The following AUTS2 variants were observed in gnomAD, a reference collection of about 807,000 sequenced individuals.
AUTS2 encodes activator of transcription and developmental regulator AUTS2, also known as autism susceptibility gene 2 protein.
A neutral mutation model predicts 112.4 loss-of-function variants in AUTS2; 17 were observed. The observed-to-expected ratio is 0.15, with a 90% CI of 0.10 to 0.23. The LOEUF (loss-of-function observed/expected upper bound fraction) is 0.23. AUTS2 is among the 10% of genes least tolerant of loss of function. The pLI is 1.00. For missense variants in AUTS2, 1,510 were observed against 1,701.6 expected, an observed-to-expected ratio of 0.89 and a Z score of 1.98; for synonymous variants, 751 against 702.7, an observed-to-expected ratio of 1.07 and a Z score of -1.09.
intron 2 of AUTS2, among the ~76,000 whole-genome samples, chr7:70,082,216 C>T (rs1261472418): frequency 2.0e-5 from 3 of 152,152 alleles, no homozygotes; most frequent in Non-Finnish European, 4.4e-5. Flanking sequence ...GTGTTGACTA[C>T]GTGCCTAAAA....
At chr7:70,045,562 G>A (rs1486512153) in intron 2 of AUTS2, among the ~76,000 whole-genome samples, 2 of 151,004 alleles carry the variant, frequency 1.3e-5, no homozygotes, top group African/African-American at 4.9e-5. Context: ...AATTGCAAAT[G>A]TGACTCACAT....
chr7:70,308,944 A>G (rs191762785), intron 4 of AUTS2, among the ~76,000 whole-genome samples: 33 of 152,334 alleles, frequency 2.2e-4, no homozygotes, highest in African/African-American at 6.7e-4. Flanking sequence ...TGCACTGAGC[A>G]GTCCCGTTAA....
chr7:70,573,323 G>A (rs947208123), intron 5 of AUTS2, among the ~76,000 whole-genome samples: 4 of 152,264 alleles, frequency 2.6e-5, no homozygotes, highest in East Asian at 1.9e-4. Flanking sequence ...AGTTTACCTC[G>A]ACCTGTCTTT....
intron 1 of AUTS2, among the ~76,000 whole-genome samples, chr7:69,736,280 G>A (rs950119899): frequency 2.3e-4 from 35 of 152,172 alleles, no homozygotes; most frequent in African/African-American, 6.3e-4. Flanking sequence ...AGACGCTAAG[G>A]ATATTGTGGT....
At chr7:69,726,478 T>C (rs1223350986) in intron 1 of AUTS2, among the ~76,000 whole-genome samples, 2 of 152,120 alleles carry the variant, frequency 1.3e-5, no homozygotes, top group Admixed American at 1.3e-4. Context: ...TTGGCTATTA[T>C]GAATAAAGCT....
intron 1 of AUTS2, among the ~76,000 whole-genome samples, chr7:69,798,112 C>T (rs1224256486): frequency 1.3e-5 from 2 of 152,120 alleles, no homozygotes; most frequent in African/African-American, 4.8e-5. Context: ...GTCTGCGTGA[C>T]AGGCATTTTC....
intron 4 of AUTS2, among the ~76,000 whole-genome samples, chr7:70,386,171 G>C (rs755110084): frequency 6.6e-6 from 1 of 152,140 alleles, no homozygotes; most frequent in Non-Finnish European, 1.5e-5. Context: ...ACTGCCATGT[G>C]CCCTCTATAT....
chr7:70,271,543 A>C (rs1375845316), intron 4 of AUTS2, among the ~76,000 whole-genome samples: 1 of 152,196 alleles, frequency 6.6e-6, no homozygotes, highest in Non-Finnish European at 1.5e-5. Flanking sequence ...CAGGGTTTAT[A>C]AAAAAAGATT....
intron 5 of AUTS2, among the ~76,000 whole-genome samples, chr7:70,449,061 C>T (rs73175953): frequency 8.8e-4 from 134 of 152,270 alleles, no homozygotes; most frequent in Non-Finnish European, 1.6e-3. Flanking sequence ...ATTAAACTAA[C>T]AAATAATGAA....
At chr7:70,108,783 C>CAAAAAAAAAAAAAAAAA in intron 2 of AUTS2, among the ~76,000 whole-genome samples, 1 of 69,176 alleles carries the variant, frequency 1.4e-5, no homozygotes, top group African/African-American at 5.4e-5. Flanking sequence ...GCCAACATGG[C>CAAAAAAAAAAAAAAAAA]AAAAAAAAAA....
intron 4 of AUTS2, among the ~76,000 whole-genome samples, chr7:70,181,251 G>A (rs753335440): frequency 5.3e-5 from 8 of 152,150 alleles, no homozygotes; most frequent in Non-Finnish European, 1.2e-4. Flanking sequence ...CTGTGAACAT[G>A]CTTGTACAGA....
chr7:70,096,978 T>G (rs1804240744), intron 2 of AUTS2, among the ~76,000 whole-genome samples: 1 of 152,198 alleles, frequency 6.6e-6, no homozygotes, highest in Non-Finnish European at 1.5e-5. Flanking sequence ...TCTTTTTGCT[T>G]CTTCTACCTG....
At chr7:69,856,539 G>A (rs1469689804) in intron 1 of AUTS2, among the ~76,000 whole-genome samples, 1 of 152,044 alleles carries the variant, frequency 6.6e-6, no homozygotes, top group Non-Finnish European at 1.5e-5. Flanking sequence ...AGACCCCTAG[G>A]CTTCCAGTTT....
At chr7:69,694,794 G>A (rs985024950) in intron 1 of AUTS2, among the ~76,000 whole-genome samples, 4 of 152,094 alleles carry the variant, frequency 2.6e-5, no homozygotes, top group African/African-American at 9.7e-5. Context: ...TTTACAAGGT[G>A]GCCTTACTAT....
chr7:69,705,198 T>C (rs993416620), intron 1 of AUTS2, among the ~76,000 whole-genome samples: 3 of 152,232 alleles, frequency 2.0e-5, no homozygotes, highest in Non-Finnish European at 4.4e-5. Context: ...GACTGTCTCC[T>C]ACCCTTTTTC....
At chr7:69,601,647 G>C (rs1233117604) in intron 1 of AUTS2, among the ~76,000 whole-genome samples, 3 of 152,058 alleles carry the variant, frequency 2.0e-5, no homozygotes, top group Non-Finnish European at 4.4e-5. Context: ...GATTGAATCA[G>C]TTACTCTCTG....
chr7:70,365,553 C>A (rs1792532015), intron 4 of AUTS2, among the ~76,000 whole-genome samples: 1 of 152,218 alleles, frequency 6.6e-6, no homozygotes, highest in Admixed American at 6.5e-5. Context: ...TCCTTCCATT[C>A]ATGTCTGACA....
intron 4 of AUTS2, among the ~76,000 whole-genome samples, chr7:70,359,792 G>A (rs1390373302): frequency 6.6e-6 from 1 of 152,180 alleles, no homozygotes; most frequent in East Asian, 1.9e-4. Context: ...AAACACAGCA[G>A]CTTCTAAAAT....
intron 4 of AUTS2, among the ~76,000 whole-genome samples, chr7:70,253,363 T>G (rs1786700453): frequency 6.6e-6 from 1 of 152,218 alleles, no homozygotes; most frequent in African/African-American, 2.4e-5. Context: ...TTATTCTTCT[T>G]GAGACATTAC....
Sources: allele counts gnomAD v4.1 joint callset (sites outside exome capture counted in the v4.1 genomes callset), GRCh38; gene constraint gnomAD v4.1.1; transcripts MANE v1.5; gene names NCBI Gene and HGNC (gene_info 2026-07-23, HGNC 2026-07-21).